DOCK3: variants seen among roughly 807,000 people sequenced by gnomAD.
The protein encoded by DOCK3 is dedicator of cytokinesis protein 3.
DOCK3 carries 60 observed loss-of-function variants against 265.6 expected under a neutral mutation model. The ratio of observed to expected loss-of-function variants is 0.23; its 90% CI spans 0.18 to 0.28. DOCK3 has a LOEUF of 0.28. Ranked by LOEUF, DOCK3 falls within the 10% of genes least tolerant of loss-of-function variation. The probability of loss-of-function intolerance (pLI) is 1.00; values close to 1 mark genes in which losing one functional copy is unlikely to be tolerated. For missense variants in DOCK3, 1,981 were observed against 2,594.3 expected (o/e 0.76, Z 5.14); for synonymous variants, 881 against 938.0 (o/e 0.94, Z 1.11).
chr3:50,812,772 C>T (rs2043840510), intron 2 of DOCK3, among the ~76,000 whole-genome samples: 1 of 152,232 alleles, frequency 6.6e-6, no homozygotes, highest in South Asian at 2.1e-4. Context: ...CTCACAGACA[C>T]ATCCAGAATA....
chr3:51,189,690 T>G (rs2087826841), intron 12 of DOCK3, among the ~76,000 whole-genome samples: 1 of 152,248 alleles, frequency 6.6e-6, no homozygotes, highest in African/African-American at 2.4e-5. Flanking sequence ...GTTCCATATC[T>G]TTGCAGTTGT....
intron 12 of DOCK3, among the ~76,000 whole-genome samples, chr3:51,204,806 C>T (rs1275022650): frequency 1.3e-5 from 2 of 151,798 alleles, no homozygotes; most frequent in East Asian, 3.9e-4. Context: ...GAAAATGTGG[C>T]ACATATACAC....
At chr3:50,747,951 TTGTAA>T (rs2039559036) in intron 1 of DOCK3, among the ~76,000 whole-genome samples, 1 of 152,240 alleles carries the variant, frequency 6.6e-6, no homozygotes, top group African/African-American at 2.4e-5. Flanking sequence ...CATAGTGATC[TTGTAA>T]TGTATGACAC....
chr3:51,256,189 GA>G (rs1576562108), intron 22 of DOCK3, among the ~76,000 whole-genome samples: 2 of 152,324 alleles, frequency 1.3e-5, no homozygotes, highest in East Asian at 3.9e-4. Context: ...TGGAAATGCA[GA>G]AATCACCTGT....
intron 12 of DOCK3, among the ~76,000 whole-genome samples, chr3:51,171,532 C>T (rs556449412): frequency 9.9e-5 from 15 of 151,906 alleles, no homozygotes; most frequent in African/African-American, 2.7e-4. Flanking sequence ...CTGGCTAACA[C>T]GGTGAAATCC....
At chr3:51,069,232 T>C (rs571175688) in intron 6 of DOCK3, among the ~76,000 whole-genome samples, 3 of 152,336 alleles carry the variant, frequency 2.0e-5, no homozygotes, top group South Asian at 2.1e-4. Flanking sequence ...TGTGTTCAAA[T>C]TAACTAGTCA....
intron 2 of DOCK3, among the ~76,000 whole-genome samples, chr3:50,798,368 T>C (rs1229630524): frequency 1.3e-5 from 2 of 152,222 alleles, no homozygotes; most frequent in Non-Finnish European, 2.9e-5. Context: ...ATACTCAGTT[T>C]TCCTGCTAGG....
chr3:50,932,388 A>C (rs1447452723), intron 4 of DOCK3, among the ~76,000 whole-genome samples: 1 of 151,926 alleles, frequency 6.6e-6, no homozygotes, highest in Non-Finnish European at 1.5e-5. Context: ...ATTTTCCTGT[A>C]CTTTTTTTTT....
chr3:51,235,674 A>T (rs562280829), intron 19 of DOCK3, among the ~76,000 whole-genome samples: 1 of 152,302 alleles, frequency 6.6e-6, no homozygotes, highest in South Asian at 2.1e-4. Context: ...TGGAGGAAGG[A>T]TAGACTTGAT....
At chr3:51,228,567 G>A (rs2090424648) in intron 17 of DOCK3, 94 bp from the exon 18 acceptor site, 24 of 1,394,624 alleles carry the variant, frequency 1.7e-5, no homozygotes, top group African/African-American at 4.3e-5. Context: ...GCCTTAGGAA[G>A]ATGAGAGCAA....
intron 2 of DOCK3, among the ~76,000 whole-genome samples, chr3:50,803,461 C>T (rs1446634558): frequency 1.3e-5 from 2 of 152,166 alleles, no homozygotes; most frequent in South Asian, 2.1e-4. Flanking sequence ...TGGAGTCTCC[C>T]ATGTCTACTT....
intron 51 of DOCK3, among the ~76,000 whole-genome samples, chr3:51,378,032 G>A (rs1271200465): frequency 2.0e-5 from 3 of 152,228 alleles, no homozygotes; most frequent in Non-Finnish European, 4.4e-5. Flanking sequence ...GCTGCATCTT[G>A]TAGGGAGCAT....
At chr3:51,111,216 G>T (rs1211472163) in intron 9 of DOCK3, among the ~76,000 whole-genome samples, 4 of 152,086 alleles carry the variant, frequency 2.6e-5, no homozygotes, top group African/African-American at 9.7e-5. Context: ...CCATGCTCAT[G>T]GATAGGAAGA....
intron 27 of DOCK3, 107 bp downstream of exon 27, chr3:51,280,311 G>A (rs930454938): frequency 8.6e-6 from 9 of 1,050,900 alleles, no homozygotes; most frequent in African/African-American, 6.4e-5. Flanking sequence ...GCATTGCCAC[G>A]GGTGTAGGAT....
intron 13 of DOCK3, among the ~76,000 whole-genome samples, chr3:51,209,079 A>G (rs943258972): frequency 6.6e-6 from 1 of 152,220 alleles, no homozygotes; most frequent in Non-Finnish European, 1.5e-5. Context: ...GATGAGTTCC[A>G]TATGTGTTGA....
At chr3:51,008,490 C>T (rs779964651) in intron 5 of DOCK3, among the ~76,000 whole-genome samples, 12 of 152,152 alleles carry the variant, frequency 7.9e-5, no homozygotes. Flanking sequence ...TATCCTGATA[C>T]TTTGCCAAAG....
At chr3:51,169,440 C>T (rs536768582) in intron 12 of DOCK3, among the ~76,000 whole-genome samples, 3 of 152,206 alleles carry the variant, frequency 2.0e-5, no homozygotes, top group East Asian at 1.9e-4. Flanking sequence ...TTTGCAGGAA[C>T]GTGGGTGGAG....
chr3:51,295,011 TACA>T (rs1173117639), intron 27 of DOCK3, among the ~76,000 whole-genome samples: 18 of 152,342 alleles, frequency 1.2e-4, no homozygotes, highest in African/African-American at 3.8e-4. Context: ...AATAATTATA[TACA>T]ATTATTATTT....
intron 10 of DOCK3, among the ~76,000 whole-genome samples, chr3:51,155,549 G>T (rs981534103): frequency 5.9e-5 from 9 of 152,124 alleles, no homozygotes; most frequent in African/African-American, 2.2e-4. Context: ...TGACCTTTTA[G>T]CTTACCTTAG....
Sources: gnomAD v4.1 joint callset for allele counts (sites outside exome capture counted in the v4.1 genomes callset) on GRCh38, gnomAD v4.1.1 for gene constraint, MANE v1.5 for transcripts, NCBI Gene and HGNC (gene_info 2026-07-23, HGNC 2026-07-21) for gene names.